Variants in LIMK1 observed in about 807,000 individuals in gnomAD.
LIMK1 encodes LIM motif-containing protein kinase.
A neutral mutation model predicts 77.6 loss-of-function variants in LIMK1; 21 were observed. The observed-to-expected ratio is 0.27, with a 90% CI of 0.19 to 0.39. The LOEUF (loss-of-function observed/expected upper bound fraction) is 0.39, where lower values mean the gene tolerates loss of function less well. Among genes scored for constraint, LIMK1 ranks in the 10% least tolerant of loss-of-function variants. The pLI is 1.00. For synonymous variants in LIMK1, 358 were observed against 370.0 expected (o/e 0.97, Z 0.37); for missense variants, 696 against 901.6 (o/e 0.77, Z 2.92).
At position 74,103,648 on chromosome 7, in the gene LIMK1, A is replaced by G. The variant is rs1018571299; in HGVS notation, c.609-2227A>G. 2.6e-5 allele frequency among the ~76,000 whole-genome samples: 4 copies of G among 152,214 alleles called. No individual in the cohort carries two copies. The South Asian group carries it at 8.3e-4, about 32-fold the overall frequency. ...TCCTGTTCCCAAAAACCCTTCCCCA[A>G]ATGATTTGAGCATCTATTGATGATT... On this transcript the variant is annotated intron_variant, in intron 5 of 15. Coordinates refer to ENST00000336180, the MANE Select transcript of LIMK1 (RefSeq NM_002314.4).
Position 74,108,961 on chromosome 7 carries a change from C to T in LIMK1, c.1209C>T (p.Leu403=). Residue 403 remains leucine, a synonymous_variant, in exon 10 of 16, where the codon CTC becomes CTT. Transcript: ENST00000336180. ...ACGTGCTCAAGTTCATCGGGGTGCT[C>T]TACAAGGACAAGAGGCTCAACTTCA... ...HPNVLKFIGV[L]YKDKRLNFIT... is the part of the protein sequence containing the mutation. The T allele has an allele frequency of 1.9e-6, 3 of 1,614,074 alleles. No homozygotes were observed. Among genetic ancestry groups the T allele is most frequent in the Non-Finnish European group, 2.5e-6 (3 of 1,179,992 alleles).
intron 1 of LIMK1, 91 bp downstream of exon 1, chr7:74,084,136 C>G: frequency 1.7e-6 from 1 of 586,456 alleles, no homozygotes; most frequent in Non-Finnish European, 2.8e-6. Context: ...GCCAGGAGGC[C>G]GCGCCCCTGC....
intron 1 of LIMK1, among the ~76,000 whole-genome samples, chr7:74,085,186 G>T (rs1224369548): frequency 6.6e-6 from 1 of 152,162 alleles, no homozygotes; most frequent in Admixed American, 6.5e-5. Context: ...AGGTGTCTGG[G>T]AGTACCCAGG....
At chr7:74,110,215 A>C (rs1799666094) in intron 10 of LIMK1, 1 of 152,098 alleles carries the variant, frequency 6.6e-6, no homozygotes, top group African/African-American at 2.4e-5. Context: ...AATTAGCCAA[A>C]TGTGGTGACA....
chr7:74,121,364 C>A lies in LIMK1; in HGVS notation c.*63C>A. ...AGAATCCACCCCCACCAGATTCCTC[C>A]GCGGGAGGTGGCCCTCAGCTGGGAC... On this transcript the variant is annotated 3_prime_UTR_variant, in exon 16 of 16. Coordinates refer to ENST00000336180, the MANE Select transcript of LIMK1 (RefSeq NM_002314.4). 1.4e-6 allele frequency: 2 copies of A among 1,437,070 alleles called. No homozygotes were observed. Among genetic ancestry groups the A allele is most frequent in the Non-Finnish European group, 1.9e-6 (2 of 1,079,474 alleles). The allele number at this position is 1,437,070 out of a possible 1,614,324, so 89.0% of individuals were successfully genotyped here.
intron 9 of LIMK1, 40 bp from the exon 10 acceptor site, chr7:74,108,865 C>G: frequency 6.2e-7 from 1 of 1,603,530 alleles, no homozygotes; most frequent in Non-Finnish European, 8.5e-7. Flanking sequence ...ACAGCTGGGA[C>G]CACACAGAGC....
intron 12 of LIMK1, among the ~76,000 whole-genome samples, chr7:74,115,024 G>C (rs1483017754): frequency 6.6e-6 from 1 of 151,784 alleles, no homozygotes; most frequent in Non-Finnish European, 1.5e-5. Flanking sequence ...AGAAGTTGAA[G>C]ACCAGTCTGG....
rs1478757952 is a variant in LIMK1 at position 74,083,977 on chromosome 7, C to T, written c.-14C>T. 1 of 1,332,158 alleles carries T rather than the reference C, an allele frequency of 7.5e-7. No individual in the cohort carries two copies. The highest frequency in any genetic ancestry group is 9.8e-7 in the Non-Finnish European group (1 of 1,019,020). The allele number at this position is 1,332,158 out of a possible 1,614,324, so 82.5% of individuals were successfully genotyped here. On this transcript the variant is annotated 5_prime_UTR_variant, in exon 1 of 16. Transcript: ENST00000336180. ...CAGCCCCAGCCCCGCCGGGCCCCGC[C>T]CCCCGTCGAGTGCATGAGGTTGACG... is the stretch of plus-strand genomic sequence containing the variant.
intron 2 of LIMK1, chr7:74,093,415 C>T: frequency 7.9e-7 from 1 of 1,268,872 alleles, no homozygotes; most frequent in Admixed American, 2.2e-5. Flanking sequence ...AACTGAAACT[C>T]CTTGGTTACT....
chr7:74,099,652 C>T (rs1373194762), intron 5 of LIMK1, among the ~76,000 whole-genome samples: 2 of 152,024 alleles, frequency 1.3e-5, no homozygotes, highest in Admixed American at 1.3e-4. Flanking sequence ...ATCACTTGAA[C>T]CCAGGAGGTG....
chr7:74,105,396 C>T lies in LIMK1; in HGVS notation c.609-479C>T, dbSNP rs374164845. On this transcript the variant is annotated intron_variant, in intron 5 of 15. Transcript: ENST00000336180. ...GGTGTGGTGGTGTGCACCTGTAATC[C>T]CAGCTACTCAGGAGGCTGAGGTACG... 1.6e-3 allele frequency among the ~76,000 whole-genome samples: 237 copies of T among 152,000 alleles called. 2 individuals carry two copies. The highest frequency in any genetic ancestry group is 5.6e-3 in the African/African-American group (232 of 41,482).
intron 12 of LIMK1, among the ~76,000 whole-genome samples, chr7:74,112,669 T>C (rs1266103926): frequency 1.3e-5 from 2 of 151,586 alleles, no homozygotes; most frequent in Non-Finnish European, 2.9e-5. Context: ...ACTAAAAATA[T>C]AAAAAATTAG....
At chr7:74,111,767 C>G (rs1799704077) in intron 11 of LIMK1, 60 bp downstream of exon 11, 3 of 1,546,584 alleles carry the variant, frequency 1.9e-6, no homozygotes, top group Non-Finnish European at 2.7e-6. Context: ...GCAAACAGAA[C>G]CCACAAAGAA....
chr7:74,115,349 G>A (rs1188257551), intron 12 of LIMK1: 9 of 156,242 alleles, frequency 5.8e-5, no homozygotes, highest in Non-Finnish European at 1.0e-4. Flanking sequence ...CTTGAACCTG[G>A]GAGGCGGAGG....
intron 2 of LIMK1, among the ~76,000 whole-genome samples, chr7:74,094,972 C>G (rs1799311642): frequency 6.6e-6 from 1 of 152,198 alleles, no homozygotes; most frequent in Non-Finnish European, 1.5e-5. Flanking sequence ...CACCCCTTCC[C>G]CTAGGCTCCC....
Position 74,099,143 on chromosome 7 carries a change from A to C in LIMK1, c.513A>C (p.Ser171=). 6.2e-7 allele frequency: 1 copy of C among 1,613,640 alleles called. No individual in the cohort carries two copies. Among genetic ancestry groups the C allele is most frequent in the Non-Finnish European group, 8.5e-7 (1 of 1,179,996 alleles). The part of the protein sequence containing the change: ...HTVTLVSIPA[S]SHGKRGLSVS... The stretch of plus-strand genomic sequence containing the variant: ...TCACCCTGGTGTCCATCCCAGCCTC[A>C]TCTCATGGCAAGCGTGGACTTTCAG... The change falls in exon 5 of 16, where the codon TCA becomes TCC. Residue 171 remains serine, a synonymous_variant. Coordinates refer to ENST00000336180, the MANE Select transcript of LIMK1 (RefSeq NM_002314.4).
At chr7:74,119,529 T>C (rs782801916) in intron 13 of LIMK1, among the ~76,000 whole-genome samples, 5 of 151,962 alleles carry the variant, frequency 3.3e-5, no homozygotes, top group Non-Finnish European at 5.9e-5. Context: ...ATTCCCATTT[T>C]ACAATAAGGA....
chr7:74,093,139 C>T (rs1356891472), intron 2 of LIMK1: 3 of 1,469,346 alleles, frequency 2.0e-6, no homozygotes, highest in Non-Finnish European at 2.7e-6. Context: ...ACGCTGGCCC[C>T]ACCCTCTGCA....
chr7:74,115,104 A>G (rs1409619396), intron 12 of LIMK1, among the ~76,000 whole-genome samples: 2 of 151,768 alleles, frequency 1.3e-5, no homozygotes, highest in Non-Finnish European at 1.5e-5. Context: ...TGGCATGCCA[A>G]GCACAGGACC....
Sources: allele counts gnomAD v4.1 joint callset (sites outside exome capture counted in the v4.1 genomes callset), GRCh38; gene constraint gnomAD v4.1.1; transcripts MANE v1.5; gene names NCBI Gene and HGNC (gene_info 2026-07-23, HGNC 2026-07-21).